B3GALT1: variants seen among roughly 807,000 people sequenced by gnomAD.
B3GALT1 encodes beta-1,3-galactosyltransferase 1, also known as UDP-Gal:betaGlcNAc beta 1,3-galactosyltransferase, polypeptide 1.
Under a neutral mutation model 23.2 loss-of-function variants are expected in B3GALT1, and 10 were observed. That is an observed-to-expected ratio of 0.43 (90% CI 0.27 to 0.73). B3GALT1 has a LOEUF of 0.73. Among genes scored for constraint, B3GALT1 ranks in the 30% least tolerant of loss-of-function variants. The pLI is 0.21. For missense variants in B3GALT1, 299 were observed against 405.4 expected, an observed-to-expected ratio of 0.74 and a Z score of 2.25; for synonymous variants, 156 against 141.5, an observed-to-expected ratio of 1.10 and a Z score of -0.73.
At chr2:167,754,935 G>A (rs1687793443) in intron 3 of B3GALT1, among the ~76,000 whole-genome samples, 1 of 152,206 alleles carries the variant, frequency 6.6e-6, no homozygotes, top group Admixed American at 6.5e-5. Context: ...TTATCCAGAT[G>A]TTTTGGCTTT....
chr2:167,847,426 C>T (rs1014026872), intron 4 of B3GALT1, among the ~76,000 whole-genome samples: 3 of 152,118 alleles, frequency 2.0e-5, no homozygotes, highest in African/African-American at 7.2e-5. Context: ...AAATCAACTC[C>T]AAAAGGAACC....
intron 1 of B3GALT1, among the ~76,000 whole-genome samples, chr2:167,424,201 G>A (rs888328210): frequency 2.0e-5 from 3 of 152,080 alleles, no homozygotes; most frequent in African/African-American, 7.2e-5. Flanking sequence ...CTCTTGAAAG[G>A]AACCAAAGAG....
At chr2:167,589,939 T>C (rs1236836) in intron 2 of B3GALT1, among the ~76,000 whole-genome samples, 39,934 of 152,018 alleles carry the variant, frequency 0.26, 6,084 homozygotes, top group African/African-American at 0.41. Flanking sequence ...TATATAGTAT[T>C]CCTATCCTTA....
At chr2:167,365,544 A>G (rs1292689834) in intron 1 of B3GALT1, among the ~76,000 whole-genome samples, 1 of 151,178 alleles carries the variant, frequency 6.6e-6, no homozygotes, top group African/African-American at 2.4e-5. Flanking sequence ...AGAAGATCGT[A>G]TCTTTTCTTA....
intron 2 of B3GALT1, among the ~76,000 whole-genome samples, chr2:167,547,072 C>G (rs1167217693): frequency 6.6e-6 from 1 of 152,184 alleles, no homozygotes; most frequent in Non-Finnish European, 1.5e-5. Flanking sequence ...GAGCTGTTAC[C>G]TGGGCTGGCT....
chr2:167,342,413 C>T (rs1697162313), intron 1 of B3GALT1, among the ~76,000 whole-genome samples: 1 of 151,784 alleles, frequency 6.6e-6, no homozygotes, highest in South Asian at 2.1e-4. Context: ...CATGGTGAAA[C>T]CCCGTCTGTA....
intron 3 of B3GALT1, among the ~76,000 whole-genome samples, chr2:167,802,521 C>G (rs1688657783): frequency 6.6e-6 from 1 of 152,218 alleles, no homozygotes; most frequent in Admixed American, 6.5e-5. Context: ...CAGCTCCTCG[C>G]ACAATTTCAC....
At chr2:167,862,414 T>C (rs1293300573) in intron 4 of B3GALT1, among the ~76,000 whole-genome samples, 1 of 152,172 alleles carries the variant, frequency 6.6e-6, no homozygotes, top group Non-Finnish European at 1.5e-5. Context: ...AATTAGCCCT[T>C]CCTCTAAGTT....
intron 2 of B3GALT1, among the ~76,000 whole-genome samples, chr2:167,519,192 G>A (rs1028832992): frequency 4.6e-5 from 7 of 151,914 alleles, no homozygotes; most frequent in Admixed American, 2.0e-4. Context: ...TGGACTCAGC[G>A]CATTTCTCCT....
intron 2 of B3GALT1, among the ~76,000 whole-genome samples, chr2:167,553,020 A>G (rs567960474): frequency 3.3e-5 from 5 of 152,244 alleles, no homozygotes; most frequent in Non-Finnish European, 7.4e-5. Flanking sequence ...GGGGGGTACT[A>G]TTTTATCCCT....
intron 2 of B3GALT1, among the ~76,000 whole-genome samples, chr2:167,573,284 T>G (rs1462612384): frequency 5.9e-5 from 9 of 151,930 alleles, no homozygotes. Flanking sequence ...TCCCAGCAAA[T>G]TGCTTTTGGT....
At chr2:167,598,733 T>G (rs2105422059) in intron 2 of B3GALT1, among the ~76,000 whole-genome samples, 1 of 152,326 alleles carries the variant, frequency 6.6e-6, no homozygotes, top group South Asian at 2.1e-4. Context: ...CTTCCTTTAT[T>G]AAATCTAGGT....
chr2:167,652,001 GA>G (rs1295063231), intron 3 of B3GALT1, among the ~76,000 whole-genome samples: 1 of 152,060 alleles, frequency 6.6e-6, no homozygotes, highest in Non-Finnish European at 1.5e-5. Flanking sequence ...AGAGAATTCT[GA>G]ATGCTTACAA....
intron 3 of B3GALT1, among the ~76,000 whole-genome samples, chr2:167,780,626 T>A (rs1248454848): frequency 6.6e-6 from 1 of 152,230 alleles, no homozygotes; most frequent in Non-Finnish European, 1.5e-5. Context: ...TGGATTGCTA[T>A]ATTTTGGATG....
intron 2 of B3GALT1, among the ~76,000 whole-genome samples, chr2:167,530,111 T>G (rs534808935): frequency 6.6e-6 from 1 of 152,252 alleles, no homozygotes; most frequent in Admixed American, 6.5e-5. Context: ...CCAATCTCTG[T>G]GACACTGATC....
At chr2:167,429,825 T>C (rs1432025638) in intron 1 of B3GALT1, among the ~76,000 whole-genome samples, 1 of 152,242 alleles carries the variant, frequency 6.6e-6, no homozygotes, top group Non-Finnish European at 1.5e-5. Flanking sequence ...AATGCCTGAC[T>C]AATACCAAGT....
intron 1 of B3GALT1, among the ~76,000 whole-genome samples, chr2:167,304,723 A>G (rs1696523141): frequency 6.6e-6 from 1 of 152,060 alleles, no homozygotes; most frequent in South Asian, 2.1e-4. Flanking sequence ...GAGACAGAGA[A>G]AGAGAGAGAG....
intron 3 of B3GALT1, among the ~76,000 whole-genome samples, chr2:167,807,678 C>G (rs571895985): frequency 5.3e-5 from 8 of 152,182 alleles, no homozygotes; most frequent in Admixed American, 2.0e-4. Flanking sequence ...TGGTCTGAAA[C>G]ACAGTTTGTT....
intron 2 of B3GALT1, among the ~76,000 whole-genome samples, chr2:167,634,944 TC>T (rs1344930097): frequency 6.6e-6 from 1 of 152,046 alleles, no homozygotes; most frequent in African/African-American, 2.4e-5. Context: ...AATGCAAAAA[TC>T]CTGTATAAAA....
Sources: gnomAD v4.1 joint callset for allele counts (sites outside exome capture counted in the v4.1 genomes callset) on GRCh38, gnomAD v4.1.1 for gene constraint, MANE v1.5 for transcripts, NCBI Gene and HGNC (gene_info 2026-07-23, HGNC 2026-07-21) for gene names.